C12orf54: variants seen among roughly 807,000 people sequenced by gnomAD.
C12orf54 encodes the protein uncharacterized protein C12orf54.
A neutral mutation model predicts 26.4 loss-of-function variants in C12orf54; 24 were observed. The observed-to-expected ratio is 0.91, with a 90% confidence interval of 0.66 to 1.28. The LOEUF (loss-of-function observed/expected upper bound fraction) is 1.28. Among genes scored for constraint, C12orf54 ranks in the 50% most tolerant of loss-of-function variants. The probability of loss-of-function intolerance (pLI) is 0.00; values close to 1 mark genes in which losing one functional copy is unlikely to be tolerated. For synonymous variants in C12orf54, 54 were observed against 47.0 expected (o/e 1.15, Z -0.61); for missense variants, 154 against 150.9 (o/e 1.02, Z -0.11).
chr12:48,461,384 T>A, the C12orf54 span, among the ~76,000 whole-genome samples: 1 of 151,858 alleles, frequency 6.6e-6, no homozygotes, highest in Admixed American at 6.6e-5. Context: ...TGAATCAACT[T>A]GACATAATTG....
At chr12:48,456,800 T>C in the C12orf54 span, among the ~76,000 whole-genome samples, 1 of 152,170 alleles carries the variant, frequency 6.6e-6, no homozygotes, top group Non-Finnish European at 1.5e-5. Flanking sequence ...TATCAGCTTT[T>C]TTCTTCTTTG....
At chr12:48,445,075 G>A in the C12orf54 span, among the ~76,000 whole-genome samples, 1 of 152,154 alleles carries the variant, frequency 6.6e-6, no homozygotes, top group Admixed American at 6.5e-5. Flanking sequence ...GGAGGCTGAG[G>A]CAGGAGAATG....
At chr12:48,428,893 A>C in the C12orf54 span, among the ~76,000 whole-genome samples, 5 of 152,200 alleles carry the variant, frequency 3.3e-5, no homozygotes, top group Non-Finnish European at 7.4e-5. Flanking sequence ...AATATCCCTC[A>C]TGAACGTAGA....
chr12:48,459,515 C>A, the C12orf54 span, among the ~76,000 whole-genome samples: 1 of 152,048 alleles, frequency 6.6e-6, no homozygotes. Flanking sequence ...AGAGCAAAGC[C>A]CTTCCTCCAA....
chr12:48,453,735 G>A, the C12orf54 span, among the ~76,000 whole-genome samples: 1 of 149,766 alleles, frequency 6.7e-6, no homozygotes. Flanking sequence ...AAAATATTTT[G>A]CACATTGCCT....
the C12orf54 span, among the ~76,000 whole-genome samples, chr12:48,463,681 C>A: frequency 2.0e-5 from 3 of 151,620 alleles, no homozygotes; most frequent in Non-Finnish European, 4.4e-5. Context: ...AAACTCTCAA[C>A]AAAATAACTG....
the C12orf54 span, among the ~76,000 whole-genome samples, chr12:48,440,731 G>T: frequency 6.6e-6 from 1 of 152,166 alleles, no homozygotes; most frequent in Non-Finnish European, 1.5e-5. Context: ...CAGTCTCTAT[G>T]GGACATGCCT....
the C12orf54 span, among the ~76,000 whole-genome samples, chr12:48,458,393 C>T: frequency 6.6e-6 from 1 of 152,092 alleles, no homozygotes; most frequent in African/African-American, 2.4e-5. Flanking sequence ...ATTTTATTAT[C>T]GGGGTGTTTG....
chr12:48,479,443 C>T (rs1482081067), upstream of C12orf54, among the ~76,000 whole-genome samples: 2 of 152,060 alleles, frequency 1.3e-5, no homozygotes, highest in African/African-American at 4.8e-5. Flanking sequence ...AGCACACCAA[C>T]ATGGCACATG....
the C12orf54 span, among the ~76,000 whole-genome samples, chr12:48,458,817 T>C: frequency 1.3e-5 from 2 of 152,204 alleles, no homozygotes; most frequent in East Asian, 3.9e-4. Context: ...CGATTAAGCA[T>C]GCATGAGCAG....
chr12:48,493,776 G>GA (rs1198870907), intron 7 of C12orf54, among the ~76,000 whole-genome samples: 4 of 146,318 alleles, frequency 2.7e-5, no homozygotes, highest in Admixed American at 6.8e-5. Context: ...AAGATGAGGA[G>GA]AAAAAAGATC....
chr12:48,442,590 G>A, the C12orf54 span: 11 of 161,618 alleles, frequency 6.8e-5, no homozygotes, highest in African/African-American at 7.2e-5. Context: ...GCAACATAGC[G>A]GTCATAGGCC....
At chr12:48,463,619 A>G in the C12orf54 span, among the ~76,000 whole-genome samples, 1 of 151,858 alleles carries the variant, frequency 6.6e-6, no homozygotes, top group African/African-American at 2.4e-5. Flanking sequence ...TATAAAAAAA[A>G]AAAGAAAGAA....
chr12:48,489,626 A>G (rs1238223804), intron 5 of C12orf54, among the ~76,000 whole-genome samples: 2 of 151,922 alleles, frequency 1.3e-5, no homozygotes, highest in African/African-American at 4.8e-5. Flanking sequence ...CATGTTGCCC[A>G]CGTTGGTCTC....
chr12:48,443,888 G>A, the C12orf54 span, among the ~76,000 whole-genome samples: 1 of 152,182 alleles, frequency 6.6e-6, no homozygotes, highest in Admixed American at 6.5e-5. Context: ...CATTCTCAAA[G>A]GACTTATGGT....
At chr12:48,434,224 C>T in the C12orf54 span, among the ~76,000 whole-genome samples, 14 of 152,300 alleles carry the variant, frequency 9.2e-5, no homozygotes, top group Admixed American at 6.5e-4. Flanking sequence ...GAGGGGCGCC[C>T]GCCATTGCCC....
At chr12:48,444,176 A>G in the C12orf54 span, among the ~76,000 whole-genome samples, 1 of 152,228 alleles carries the variant, frequency 6.6e-6, no homozygotes, top group South Asian at 2.1e-4. Context: ...CTGAAAACCT[A>G]AATACTTCTG....
the C12orf54 span, chr12:48,472,955 C>G: frequency 6.2e-7 from 1 of 1,614,102 alleles, no homozygotes; most frequent in Non-Finnish European, 8.5e-7. Context: ...ATTTAAGTGG[C>G]AACAAAATTA....
the C12orf54 span, among the ~76,000 whole-genome samples, chr12:48,447,561 A>C: frequency 6.6e-6 from 1 of 152,156 alleles, no homozygotes; most frequent in Non-Finnish European, 1.5e-5. Context: ...AGGAAATTAT[A>C]GAACTGAAGT....
Sources: allele counts gnomAD v4.1 joint callset (sites outside exome capture counted in the v4.1 genomes callset), GRCh38; gene constraint gnomAD v4.1.1; transcripts MANE v1.5; gene names NCBI Gene and HGNC (gene_info 2026-07-23, HGNC 2026-07-21).